WWOX: variants seen among roughly 807,000 people sequenced by gnomAD.
The protein encoded by WWOX is WW domain containing oxidoreductase, also known as WW domain-containing oxidoreductase.
In WWOX, 69 loss-of-function variants were observed where a neutral mutation model predicts 46.2. The ratio of observed to expected loss-of-function variants is 1.49; its 90% CI spans 1.23 to 1.82. The LOEUF (loss-of-function observed/expected upper bound fraction) is 1.82, where lower values mean the gene tolerates loss of function less well. Ranked by LOEUF, WWOX falls within the 40% of genes most tolerant of loss-of-function variation. The probability of loss-of-function intolerance (pLI) is 0.00; values close to 1 mark genes in which losing one functional copy is unlikely to be tolerated. For synonymous variants in WWOX, 359 were observed against 202.6 expected (o/e 1.77, Z -6.56); for missense variants, 919 against 542.6 (o/e 1.69, Z -6.89).
At chr16:78,480,564 C>T (rs923594578) in intron 8 of WWOX, among the ~76,000 whole-genome samples, 23 of 152,162 alleles carry the variant, frequency 1.5e-4, no homozygotes, top group African/African-American at 5.3e-4. Context: ...GTAGGGATTC[C>T]AGCTCAGTAG....
At chr16:78,800,745 A>C (rs1249602348) in intron 8 of WWOX, among the ~76,000 whole-genome samples, 2 of 152,134 alleles carry the variant, frequency 1.3e-5, no homozygotes, top group African/African-American at 2.4e-5. Flanking sequence ...TCCCAAATGC[A>C]TTCTTAGCTA....
In WWOX at chr16:78,464,824, G is replaced by C. The variant is rs549004455; in HGVS notation, c.1056+32072G>C. 2.6e-5 allele frequency among the ~76,000 whole-genome samples: 4 copies of C among 152,256 alleles called. 1 individual carries two copies. The highest frequency in any genetic ancestry group is 2.6e-4 in the Admixed American group (4 of 15,286). On this transcript the variant is annotated intron_variant, in intron 8 of 8. Transcript: ENST00000566780. ...GGGGAAATGTTAGACCCTCAATAAG[G>C]AGAATCAGAGAAAGAAGAAATAAAA... is the stretch of plus-strand genomic sequence containing the variant.
At position 78,710,473 on chromosome 16, in the gene WWOX, C is replaced by CATATATATATATATATATATATTTATAT. The variant is rs1555520957; in HGVS notation, c.1056+277743_1056+277744insTTATATATATATATATATATATATATAT. 4.9e-4 allele frequency among the ~76,000 whole-genome samples: 31 copies of CATATATATATATATATATATATTTATAT among 63,618 alleles called. 1 individual carries two copies. Among genetic ancestry groups the CATATATATATATATATATATATTTATAT allele is most frequent in the Non-Finnish European group, 8.0e-4 (25 of 31,432 alleles). The allele number at this position is 63,618 out of a possible 152,430, so 41.7% of individuals were successfully genotyped here. Reference sequence around the variant, plus strand: ...TGATGCAATTAAAGCTAATGGATCTCATATATATATATATATATATATATA... The same window carrying CATATATATATATATATATATATTTATAT: ...TGATGCAATTAAAGCTAATGGATCTCATATATATATATATATATATATTTATATATATATATATATATATATATATATA... On this transcript the variant is annotated intron_variant, in intron 8 of 8. Coordinates refer to ENST00000566780, the MANE Select transcript of WWOX (RefSeq NM_016373.4).
intron 5 of WWOX, among the ~76,000 whole-genome samples, chr16:78,381,458 C>T (rs2081955470): frequency 6.6e-6 from 1 of 152,164 alleles, no homozygotes; most frequent in African/African-American, 2.4e-5. Context: ...TCTGGCTGAG[C>T]CCTGGATGTT....
intron 8 of WWOX, among the ~76,000 whole-genome samples, chr16:79,208,206 T>C (rs2051584763): frequency 6.6e-6 from 1 of 152,206 alleles, no homozygotes; most frequent in Admixed American, 6.5e-5. Context: ...TTTGACTAGA[T>C]CGGAAATGGC....
intron 8 of WWOX, among the ~76,000 whole-genome samples, chr16:79,033,537 C>A (rs1050424535): frequency 1.3e-5 from 2 of 151,978 alleles, no homozygotes; most frequent in African/African-American, 4.8e-5. Flanking sequence ...TTCCCCTGGC[C>A]CTCACTACCA....
intron 8 of WWOX, among the ~76,000 whole-genome samples, chr16:78,969,589 C>A (rs760950573): frequency 6.6e-6 from 1 of 152,160 alleles, no homozygotes; most frequent in African/African-American, 2.4e-5. Context: ...TCAACTAGAA[C>A]AGTTCCTCTC....
intron 4 of WWOX, among the ~76,000 whole-genome samples, chr16:78,117,259 C>G (rs956983310): frequency 3.3e-5 from 5 of 152,132 alleles, no homozygotes; most frequent in African/African-American, 9.7e-5. Context: ...TTGTAACGCT[C>G]AGGATGGCAC....
intron 8 of WWOX, among the ~76,000 whole-genome samples, chr16:78,443,134 T>A (rs1358834673): frequency 4.2e-4 from 18 of 42,894 alleles, no homozygotes; most frequent in African/African-American, 1.3e-3. Flanking sequence ...AGACTCCATC[T>A]CAAAAAAAAA....
chr16:78,662,078 T>TG (rs1374787756), intron 8 of WWOX, among the ~76,000 whole-genome samples: 1 of 151,848 alleles, frequency 6.6e-6, no homozygotes. Context: ...GTAGTAGTGG[T>TG]GGTGGTGGTG....
At chr16:79,019,187 A>AAAAAG (rs59620815) in intron 8 of WWOX, among the ~76,000 whole-genome samples, 43,727 of 81,620 alleles carry the variant, frequency 0.54, 9,453 homozygotes, top group East Asian at 0.65. Context: ...AAAAAAAAAG[A>AAAAAG]AAAAAAAAAG....
intron 8 of WWOX, among the ~76,000 whole-genome samples, chr16:78,515,879 C>A (rs1266078882): frequency 6.6e-6 from 1 of 152,140 alleles, no homozygotes; most frequent in Admixed American, 6.5e-5. Context: ...TAGAAAGACA[C>A]CTGAAGGTGA....
At chr16:78,932,950 G>T (rs1022839465) in intron 8 of WWOX, among the ~76,000 whole-genome samples, 1 of 152,166 alleles carries the variant, frequency 6.6e-6, no homozygotes, top group Non-Finnish European at 1.5e-5. Context: ...CCTGCCCTCT[G>T]GTTGAAACAT....
chr16:78,690,250 C>T (rs993916830), intron 8 of WWOX, among the ~76,000 whole-genome samples: 2 of 151,980 alleles, frequency 1.3e-5, no homozygotes, highest in Non-Finnish European at 2.9e-5. Context: ...ACATGGTGAA[C>T]ACATAAATAA....
chr16:78,456,105 A>C (rs57074761), intron 8 of WWOX, among the ~76,000 whole-genome samples: 2,396 of 152,340 alleles, frequency 0.016, 60 homozygotes, highest in African/African-American at 0.054. Flanking sequence ...GGAGGATTCA[A>C]GCCCCTTGCA....
At chr16:78,824,665 C>A (rs772728168) in intron 8 of WWOX, among the ~76,000 whole-genome samples, 2 of 152,122 alleles carry the variant, frequency 1.3e-5, no homozygotes, top group Non-Finnish European at 2.9e-5. Context: ...AAGAAGCGCA[C>A]GTGAGAACCC....
At chr16:78,734,090 TCGTCCATC>T (rs1056577609) in intron 8 of WWOX, among the ~76,000 whole-genome samples, 1 of 151,102 alleles carries the variant, frequency 6.6e-6, no homozygotes, top group Non-Finnish European at 1.5e-5. Context: ...ACTAAATAAG[TCGTCCATC>T]CGTCCATCTA....
intron 8 of WWOX, among the ~76,000 whole-genome samples, chr16:78,630,944 G>T (rs986719916): frequency 2.6e-5 from 4 of 152,098 alleles, no homozygotes; most frequent in Non-Finnish European, 5.9e-5. Context: ...TCGAACAAAC[G>T]GAGGGTGGTA....
intron 8 of WWOX, among the ~76,000 whole-genome samples, chr16:78,793,057 C>G (rs1479124414): frequency 6.6e-6 from 1 of 152,162 alleles, no homozygotes; most frequent in Non-Finnish European, 1.5e-5. Context: ...TTCATCTTAT[C>G]TATATATCTG....
Sources: allele counts gnomAD v4.1 joint callset (sites outside exome capture counted in the v4.1 genomes callset), GRCh38; gene constraint gnomAD v4.1.1; transcripts MANE v1.5; gene names NCBI Gene and HGNC (gene_info 2026-07-23, HGNC 2026-07-21).